Variants in FSHR observed in about 807,000 individuals in gnomAD.
FSHR encodes the protein follicle stimulating hormone receptor.
Under a neutral mutation model 52.1 loss-of-function variants are expected in FSHR, and 46 were observed. The ratio of observed to expected loss-of-function variants is 0.88; its 90% CI spans 0.70 to 1.13. The LOEUF (loss-of-function observed/expected upper bound fraction) is 1.13. FSHR is among the 50% of genes most tolerant of loss of function. FSHR has a pLI of 0.00. For synonymous variants in FSHR, 399 were observed against 309.6 expected (o/e 1.29, Z -3.03); for missense variants, 964 against 834.6 (o/e 1.16, Z -1.91).
At chr2:49,105,933 C>G (rs1025216631) in intron 1 of FSHR, among the ~76,000 whole-genome samples, 4 of 152,268 alleles carry the variant, frequency 2.6e-5, no homozygotes, top group African/African-American at 9.6e-5. Flanking sequence ...GCAAGCTAGA[C>G]CTTACTCCCA....
chr2:49,056,041 C>T (rs1188507860), intron 2 of FSHR, among the ~76,000 whole-genome samples: 1 of 151,836 alleles, frequency 6.6e-6, no homozygotes, highest in Non-Finnish European at 1.5e-5. Context: ...AGAAAACCAC[C>T]TAATTGCAAT....
At chr2:48,964,480 C>A (rs375230215) in intron 9 of FSHR, among the ~76,000 whole-genome samples, 60 of 152,306 alleles carry the variant, frequency 3.9e-4, no homozygotes, top group African/African-American at 1.3e-3. Context: ...AGCCCCTATT[C>A]CCTGGCTCTT....
chr2:48,979,268 G>A (rs1675130995), intron 8 of FSHR, among the ~76,000 whole-genome samples: 1 of 152,032 alleles, frequency 6.6e-6, no homozygotes, highest in South Asian at 2.1e-4. Context: ...AACATAGTGA[G>A]ACCCTGTCTC....
chr2:49,081,511 C>A (rs1032459998), intron 1 of FSHR, among the ~76,000 whole-genome samples: 5 of 152,162 alleles, frequency 3.3e-5, no homozygotes, highest in Non-Finnish European at 7.4e-5. Flanking sequence ...TCCCAAGCAT[C>A]ATTTATTAAC....
intron 1 of FSHR, among the ~76,000 whole-genome samples, chr2:49,095,296 A>G (rs1433978435): frequency 3.3e-5 from 5 of 152,180 alleles, no homozygotes; most frequent in African/African-American, 4.8e-5. Flanking sequence ...TCAATGGAAT[A>G]GAATTGAGAG....
At chr2:49,140,893 C>T (rs1279691358) in intron 1 of FSHR, among the ~76,000 whole-genome samples, 1 of 152,102 alleles carries the variant, frequency 6.6e-6, no homozygotes, top group Non-Finnish European at 1.5e-5. Context: ...ATTCCTGAGC[C>T]TCCATTAAGT....
chr2:49,036,403 C>T (rs1168242802), intron 2 of FSHR, among the ~76,000 whole-genome samples: 2 of 151,434 alleles, frequency 1.3e-5, no homozygotes, highest in East Asian at 3.9e-4. Flanking sequence ...ATATAAATAC[C>T]TATATCCTTA....
chr2:48,965,383 T>C (rs1037716700), intron 9 of FSHR, among the ~76,000 whole-genome samples: 7 of 152,184 alleles, frequency 4.6e-5, no homozygotes, highest in African/African-American at 1.7e-4. Context: ...TTGTTTGTTT[T>C]TTTAAGGCTA....
chr2:49,133,808 AG>A (rs1371650020), intron 1 of FSHR, among the ~76,000 whole-genome samples: 2 of 152,238 alleles, frequency 1.3e-5, no homozygotes, highest in African/African-American at 2.4e-5. Context: ...GACAAAAAAA[AG>A]CAATGGGGAA....
At chr2:49,020,824 T>G (rs550087465) in intron 2 of FSHR, among the ~76,000 whole-genome samples, 1 of 152,238 alleles carries the variant, frequency 6.6e-6, no homozygotes, top group Admixed American at 6.5e-5. Context: ...GCCCCATTAA[T>G]GTCTAACGTA....
chr2:49,102,278 TG>T lies in FSHR; in HGVS notation c.153-33989del, dbSNP rs1370421542. On this transcript the variant is annotated intron_variant, in intron 1 of 9. Transcript: ENST00000406846. ...GCAATGATCTATAGTCATCCTCCTT[TG>T]GGACTTTGCTGGGAAGGTGTGGGGG... 2.0e-5 allele frequency among the ~76,000 whole-genome samples: 3 copies of T among 152,252 alleles called. No individual in the cohort carries two copies. The East Asian group carries it at 5.8e-4, about 29-fold the overall frequency.
intron 6 of FSHR, among the ~76,000 whole-genome samples, chr2:48,984,689 C>A (rs1401081206): frequency 6.6e-6 from 1 of 151,860 alleles, no homozygotes; most frequent in Admixed American, 6.6e-5. Context: ...CCTGTCTTAG[C>A]TCATGAGCTG....
chr2:49,123,902 G>A (rs148884124), intron 1 of FSHR, among the ~76,000 whole-genome samples: 35 of 152,292 alleles, frequency 2.3e-4, no homozygotes, highest in Middle Eastern at 3.4e-3. Flanking sequence ...GTCTGTAGCT[G>A]TAGGGATCTT....
chr2:49,077,806 G>A (rs1670002298), intron 1 of FSHR, among the ~76,000 whole-genome samples: 1 of 152,174 alleles, frequency 6.6e-6, no homozygotes, highest in African/African-American at 2.4e-5. Context: ...AATGCCACCA[G>A]TCTTTTTGCT....
intron 4 of FSHR, among the ~76,000 whole-genome samples, chr2:48,990,852 C>A (rs1182315162): frequency 6.6e-6 from 1 of 151,462 alleles, no homozygotes; most frequent in Non-Finnish European, 1.5e-5. Flanking sequence ...AAGAAACTTA[C>A]ACTTCAGTCA....
chr2:48,987,042 ATCTAGG>A, intron 6 of FSHR, among the ~76,000 whole-genome samples: 1 of 152,176 alleles, frequency 6.6e-6, no homozygotes, highest in African/African-American at 2.4e-5. Context: ...AAACATAAAC[ATCTAGG>A]TATAAATGTT....
chr2:49,017,235 T>A (rs1375738516), intron 4 of FSHR, among the ~76,000 whole-genome samples: 2 of 152,218 alleles, frequency 1.3e-5, no homozygotes, highest in African/African-American at 4.8e-5. Context: ...ACGAGGTCCA[T>A]GTGACCGTCC....
intron 1 of FSHR, among the ~76,000 whole-genome samples, chr2:49,131,829 C>T (rs1672290693): frequency 6.6e-6 from 1 of 152,154 alleles, no homozygotes; most frequent in African/African-American, 2.4e-5. Flanking sequence ...TATGGCTTCT[C>T]TCTTACTACC....
intron 2 of FSHR, among the ~76,000 whole-genome samples, chr2:49,063,616 A>G (rs1669394319): frequency 2.0e-5 from 3 of 152,110 alleles, no homozygotes; most frequent in African/African-American, 7.2e-5. Flanking sequence ...GAAGCTAAAA[A>G]AGTCTGACTT....
Sources: gnomAD v4.1 joint callset for allele counts (sites outside exome capture counted in the v4.1 genomes callset) on GRCh38, gnomAD v4.1.1 for gene constraint, MANE v1.5 for transcripts, NCBI Gene and HGNC (gene_info 2026-07-23, HGNC 2026-07-21) for gene names.